The following CSMD1 variants were observed in gnomAD, a reference collection of about 807,000 sequenced individuals.
CSMD1 encodes the protein CUB and sushi domain-containing protein 1.
CSMD1 carries 213 observed loss-of-function variants against 417.5 expected under a neutral mutation model. The observed-to-expected ratio is 0.51, with a 90% CI of 0.46 to 0.57. The LOEUF (loss-of-function observed/expected upper bound fraction) is 0.57, where lower values mean the gene tolerates loss of function less well. Among genes scored for constraint, CSMD1 ranks in the 20% least tolerant of loss-of-function variants. CSMD1 has a pLI of 0.00. For synonymous variants in CSMD1, 2,862 were observed against 1,736.8 expected (o/e 1.65, Z -16.11); for missense variants, 6,923 against 4,529.7 (o/e 1.53, Z -15.17).
chr8:3,861,474 T>C (rs1461177290), intron 5 of CSMD1, among the ~76,000 whole-genome samples: 3 of 152,146 alleles, frequency 2.0e-5, no homozygotes, highest in South Asian at 2.1e-4. Flanking sequence ...TGAGAGGCCA[T>C]AGATTTGGAC....
At chr8:4,721,394 T>TA (rs1247344439) in intron 1 of CSMD1, among the ~76,000 whole-genome samples, 2 of 152,246 alleles carry the variant, frequency 1.3e-5, no homozygotes, top group East Asian at 3.9e-4. Flanking sequence ...TCATCAAATA[T>TA]AAAAAAGAAT....
chr8:4,157,858 A>AGTTGG (rs1449821353), intron 3 of CSMD1, among the ~76,000 whole-genome samples: 1 of 152,138 alleles, frequency 6.6e-6, no homozygotes, highest in African/African-American at 2.4e-5. Flanking sequence ...AGGATGCTGA[A>AGTTGG]GTTGGGCTTG....
intron 3 of CSMD1, among the ~76,000 whole-genome samples, chr8:4,357,557 A>T (rs1448472952): frequency 6.6e-6 from 1 of 152,204 alleles, no homozygotes; most frequent in African/African-American, 2.4e-5. Context: ...TTGGAAAAAA[A>T]AAATCTGTCA....
intron 3 of CSMD1, among the ~76,000 whole-genome samples, chr8:4,100,943 A>G (rs1801273202): frequency 6.6e-6 from 1 of 152,226 alleles, no homozygotes; most frequent in African/African-American, 2.4e-5. Context: ...CTAAGAACCC[A>G]GAGTATTGTC....
intron 1 of CSMD1, among the ~76,000 whole-genome samples, chr8:4,684,362 T>C (rs1425762132): frequency 6.6e-6 from 1 of 152,210 alleles, no homozygotes; most frequent in Non-Finnish European, 1.5e-5. Context: ...ATTCTCAAAA[T>C]GAACTCTATG....
At chr8:3,432,908 G>A (rs1057371476) in intron 12 of CSMD1, among the ~76,000 whole-genome samples, 15 of 152,086 alleles carry the variant, frequency 9.9e-5, no homozygotes, top group African/African-American at 3.6e-4. Flanking sequence ...GACACACACA[G>A]TTACATTTCT....
chr8:4,768,733 G>A (rs772237820), intron 1 of CSMD1, among the ~76,000 whole-genome samples: 44 of 152,176 alleles, frequency 2.9e-4, no homozygotes, highest in Non-Finnish European at 5.4e-4. Context: ...CCCCAGGAGT[G>A]TCCCTCTCCT....
At chr8:3,537,904 T>C (rs1798270723) in intron 10 of CSMD1, among the ~76,000 whole-genome samples, 1 of 152,234 alleles carries the variant, frequency 6.6e-6, no homozygotes, top group South Asian at 2.1e-4. Flanking sequence ...TTCCTTTTAC[T>C]TCTCTTGGAT....
chr8:3,029,223 G>A, intron 51 of CSMD1, 96 bp downstream of exon 51: 2 of 937,960 alleles, frequency 2.1e-6, no homozygotes, highest in South Asian at 2.3e-5. Context: ...GACTATGGTA[G>A]ATGATAGCTC....
intron 3 of CSMD1, among the ~76,000 whole-genome samples, chr8:4,127,555 C>T (rs1802840628): frequency 6.6e-6 from 1 of 151,320 alleles, no homozygotes; most frequent in African/African-American, 2.4e-5. Context: ...AGTCAGTTTT[C>T]CTTCCTTTCC....
chr8:3,546,411 C>T lies in CSMD1; in HGVS notation c.1344+28534G>A, dbSNP rs572262625. ...ATTAGCTGGGTTTGGTGGCATATTC[C>T]TGTAGTCCCAGCTACTTGGGAGGCT... On this transcript the variant is annotated intron_variant, in intron 10 of 69. Coordinates refer to ENST00000635120, the MANE Select transcript of CSMD1 (RefSeq NM_033225.6). Among the ~76,000 whole-genome samples the T allele has an allele frequency of 2.6e-5, 4 of 152,088 alleles. No homozygotes were observed. In the South Asian group the frequency reaches 6.2e-4, roughly 24 times the overall value.
intron 5 of CSMD1, among the ~76,000 whole-genome samples, chr8:3,886,822 T>C (rs192743720): frequency 6.6e-6 from 1 of 152,178 alleles, no homozygotes; most frequent in Non-Finnish European, 1.5e-5. Flanking sequence ...GAATAGAGAT[T>C]TGAACACAGA....
chr8:4,414,496 G>A (rs932036851), intron 3 of CSMD1, among the ~76,000 whole-genome samples: 1 of 152,078 alleles, frequency 6.6e-6, no homozygotes, highest in Admixed American at 6.5e-5. Flanking sequence ...CCTATACTGA[G>A]CAATATTTTT....
rs549832782 is a variant in CSMD1, at chr8:3,528,064, C to G, written c.1345-34338G>C. 2.0e-5 allele frequency among the ~76,000 whole-genome samples: 3 copies of G among 152,182 alleles called. No individual in the cohort carries two copies. In the East Asian group the frequency reaches 5.8e-4, roughly 30 times the overall value. On this transcript the variant is annotated intron_variant, in intron 10 of 69. Coordinates refer to ENST00000635120, the MANE Select transcript of CSMD1 (RefSeq NM_033225.6). ...TGTCCCCTGGGTGGCAAAATCCAAA[C>G]CACCCCCATATAAGAACCACTGATA... is the stretch of plus-strand genomic sequence containing the variant.
At chr8:3,997,614 C>T (rs571364695) in intron 5 of CSMD1, among the ~76,000 whole-genome samples, 1 of 152,326 alleles carries the variant, frequency 6.6e-6, no homozygotes, top group South Asian at 2.1e-4. Context: ...AAACCCAAAA[C>T]TAACTCACCT....
chr8:4,069,823 G>T (rs532818266), intron 3 of CSMD1, among the ~76,000 whole-genome samples: 3 of 152,158 alleles, frequency 2.0e-5, no homozygotes, highest in Non-Finnish European at 4.4e-5. Flanking sequence ...ACTACTGAAA[G>T]AATATCGAAA....
intron 23 of CSMD1, among the ~76,000 whole-genome samples, chr8:3,340,666 C>G (rs942977884): frequency 6.6e-6 from 1 of 152,018 alleles, no homozygotes; most frequent in African/African-American, 2.4e-5. Flanking sequence ...ATTTGATGAC[C>G]TTGGGGAGCT....
intron 5 of CSMD1, among the ~76,000 whole-genome samples, chr8:3,771,996 G>A (rs1798598196): frequency 6.6e-6 from 1 of 151,842 alleles, no homozygotes; most frequent in South Asian, 2.1e-4. Flanking sequence ...CTGGGCTGGT[G>A]AGAATCCATA....
intron 3 of CSMD1, among the ~76,000 whole-genome samples, chr8:4,114,509 T>C (rs1388852141): frequency 6.6e-6 from 1 of 152,238 alleles, no homozygotes; most frequent in African/African-American, 2.4e-5. Flanking sequence ...ATATCCATTC[T>C]GCAGCCCATG....
Sources: allele counts gnomAD v4.1 joint callset (sites outside exome capture counted in the v4.1 genomes callset), GRCh38; gene constraint gnomAD v4.1.1; transcripts MANE v1.5; gene names NCBI Gene and HGNC (gene_info 2026-07-23, HGNC 2026-07-21).